The following MARCHF10 variants were observed in gnomAD, a reference collection of about 807,000 sequenced individuals.
MARCHF10 encodes the protein membrane associated ring-CH-type finger 10.
A neutral mutation model predicts 76.2 loss-of-function variants in MARCHF10; 64 were observed. The observed-to-expected ratio is 0.84, with a 90% CI of 0.69 to 1.03. The LOEUF (loss-of-function observed/expected upper bound fraction) is 1.03, where lower values mean the gene tolerates loss of function less well. Ranked by LOEUF, MARCHF10 falls within the 50% of genes least tolerant of loss-of-function variation. The pLI is 0.00. For missense variants in MARCHF10, 875 were observed against 958.0 expected (o/e 0.91, Z 1.14); for synonymous variants, 340 against 357.5 (o/e 0.95, Z 0.55).
At chr17:62,769,811 A>C (rs2148004898) in intron 3 of MARCHF10, among the ~76,000 whole-genome samples, 1 of 152,182 alleles carries the variant, frequency 6.6e-6, no homozygotes, top group Admixed American at 6.5e-5. Context: ...TTATCATTGC[A>C]TTCTCAAGGA....
intron 6 of MARCHF10, among the ~76,000 whole-genome samples, chr17:62,734,114 G>T (rs370047769): frequency 6.6e-6 from 1 of 152,102 alleles, no homozygotes; most frequent in East Asian, 1.9e-4. Context: ...AACCCTAGAG[G>T]TGGAGGTTGC....
chr17:62,797,872 C>G (rs1428309588), intron 2 of MARCHF10, among the ~76,000 whole-genome samples: 2 of 151,902 alleles, frequency 1.3e-5, no homozygotes, highest in Non-Finnish European at 2.9e-5. Flanking sequence ...GGGGTGGCAA[C>G]AGGGTAAAAA....
At chr17:62,730,314 G>C (rs1568122754) in intron 6 of MARCHF10, among the ~76,000 whole-genome samples, 1 of 152,218 alleles carries the variant, frequency 6.6e-6, no homozygotes, top group Non-Finnish European at 1.5e-5. Flanking sequence ...AGACTGATAA[G>C]GATAGTGTAT....
chr17:62,734,355 G>A (rs1262911137), intron 6 of MARCHF10, among the ~76,000 whole-genome samples: 1 of 152,140 alleles, frequency 6.6e-6, no homozygotes, highest in Non-Finnish European at 1.5e-5. Context: ...AGGGGCTCAG[G>A]AGGGCTCCAG....
intron 1 of MARCHF10, among the ~76,000 whole-genome samples, chr17:62,806,932 A>T (rs952405985): frequency 1.3e-5 from 2 of 152,250 alleles, no homozygotes; most frequent in Admixed American, 1.3e-4. Flanking sequence ...TTCTCATAAG[A>T]GAAAGACATC....
At chr17:62,739,815 G>T (rs2091439372) in intron 5 of MARCHF10, among the ~76,000 whole-genome samples, 1 of 152,196 alleles carries the variant, frequency 6.6e-6, no homozygotes. Context: ...ATGGGCAAAA[G>T]AATCAGCAAG....
intron 4 of MARCHF10, among the ~76,000 whole-genome samples, chr17:62,749,672 G>A (rs964594819): frequency 2.6e-5 from 4 of 152,132 alleles, no homozygotes; most frequent in African/African-American, 9.7e-5. Context: ...GTTTTATTTT[G>A]GAACTCAGGG....
At chr17:62,793,801 C>A (rs902525672) in intron 2 of MARCHF10, among the ~76,000 whole-genome samples, 4 of 149,416 alleles carry the variant, frequency 2.7e-5, no homozygotes, top group African/African-American at 9.9e-5. Context: ...ATTACCACCA[C>A]CTCCATCGAC....
intron 6 of MARCHF10, chr17:62,735,433 C>G (rs2091217897): frequency 6.5e-6 from 1 of 153,204 alleles, no homozygotes; most frequent in African/African-American, 2.4e-5. Flanking sequence ...CCAGCGTGGC[C>G]CTTCAGAGAA....
chr17:62,804,421 G>A (rs1249090478), intron 1 of MARCHF10, among the ~76,000 whole-genome samples: 1 of 152,090 alleles, frequency 6.6e-6, no homozygotes, highest in Non-Finnish European at 1.5e-5. Context: ...AATATTTAGA[G>A]AACAAGCCGC....
At chr17:62,746,714 A>G (rs1444190479) in intron 4 of MARCHF10, among the ~76,000 whole-genome samples, 1 of 152,190 alleles carries the variant, frequency 6.6e-6, no homozygotes, top group East Asian at 1.9e-4. Flanking sequence ...CCAAGTCTAG[A>G]AGGTCAGGAC....
chr17:62,758,712 T>C (rs1415884391), intron 4 of MARCHF10, among the ~76,000 whole-genome samples: 1 of 152,244 alleles, frequency 6.6e-6, no homozygotes, highest in Non-Finnish European at 1.5e-5. Flanking sequence ...TAAAAATGCG[T>C]GAAGACTTAA....
At chr17:62,741,782 C>A (rs1312450638) in intron 5 of MARCHF10, among the ~76,000 whole-genome samples, 11 of 152,048 alleles carry the variant, frequency 7.2e-5, no homozygotes, top group East Asian at 1.9e-4. Flanking sequence ...GCAAGCTCTG[C>A]CTCCCGGGTT....
chr17:62,736,448 C>G lies in MARCHF10; in HGVS notation c.1420G>C (p.Ala474Pro), dbSNP rs2091267941. 6.2e-7 allele frequency: 1 copy of G among 1,614,008 alleles called. No individual in the cohort carries two copies. The highest frequency in any genetic ancestry group is 8.5e-7 in the Non-Finnish European group (1 of 1,180,010). ...SSVNSSYNPP[A>P]SFMHSALRDD... The stretch of plus-strand genomic sequence containing the variant: ...CTCAGAGCAGAATGCATGAATGATG[C>G]AGGAGGGTTATAGGATGAATTCACT... The change falls in exon 6 of 11, where the codon GCA (alanine) becomes CCA (proline). Residue 474 changes from alanine to proline, a missense_variant. Transcript: ENST00000311269.
At position 62,736,216 on chromosome 17, in the gene MARCHF10, C is replaced by T. The variant is rs768922659; in HGVS notation, c.1652G>A (p.Ser551Asn). 1 of 1,614,178 alleles carries T rather than the reference C, an allele frequency of 6.2e-7. No homozygotes were observed. The highest frequency in any genetic ancestry group is 1.7e-5 in the Admixed American group (1 of 60,018). The change falls in exon 6 of 11, where the codon AGC becomes AAC. Residue 551 changes from serine (S) to asparagine (N), a missense_variant. Ser to Asn is a conservative substitution (Grantham distance 46). Transcript: ENST00000311269. ...VREAEDTTLT[S>N]QPQGAPLYTD... ...ATATAGTGGAGCCCCCTGAGGCTGG[C>T]TTGTTAAAGTAGTATCTTCTGCTTC...
intron 4 of MARCHF10, among the ~76,000 whole-genome samples, chr17:62,755,938 ACCT>A (rs1232872059): frequency 2.0e-5 from 3 of 151,292 alleles, no homozygotes; most frequent in Non-Finnish European, 2.9e-5. Flanking sequence ...ACAAAGCAAG[ACCT>A]CGTCTCCATA....
intron 3 of MARCHF10, among the ~76,000 whole-genome samples, chr17:62,765,861 G>A (rs1026954929): frequency 4.6e-5 from 7 of 152,062 alleles, no homozygotes; most frequent in Admixed American, 1.3e-4. Flanking sequence ...TGTGTGGTGC[G>A]AGGACGAAAA....
At chr17:62,770,081 C>G (rs1318988676) in intron 3 of MARCHF10, among the ~76,000 whole-genome samples, 1 of 152,164 alleles carries the variant, frequency 6.6e-6, no homozygotes, top group Non-Finnish European at 1.5e-5. Flanking sequence ...CATGTGTGCT[C>G]AATATTTAGC....
intron 3 of MARCHF10, among the ~76,000 whole-genome samples, chr17:62,761,453 C>T (rs1289522435): frequency 1.3e-5 from 2 of 151,834 alleles, no homozygotes; most frequent in African/African-American, 4.8e-5. Context: ...CAAAGTTTCA[C>T]TCTTATTGCC....
Sources: gnomAD v4.1 joint callset for allele counts (sites outside exome capture counted in the v4.1 genomes callset) on GRCh38, gnomAD v4.1.1 for gene constraint, MANE v1.5 for transcripts, NCBI Gene and HGNC (gene_info 2026-07-23, HGNC 2026-07-21) for gene names.